The following DCHS2 variants were observed in gnomAD, a reference collection of about 807,000 sequenced individuals.
The protein encoded by DCHS2 is dachsous cadherin-related 2, also known as protocadherin-23.
In DCHS2, 142 loss-of-function variants were observed where a neutral mutation model predicts 182.4. The observed-to-expected ratio is 0.78, with a 90% confidence interval of 0.68 to 0.89. The LOEUF is 0.89. Ranked by LOEUF, DCHS2 falls within the 40% of genes least tolerant of loss-of-function variation. DCHS2 has a pLI of 0.00. For synonymous variants in DCHS2, 1,740 were observed against 1,663.3 expected, an observed-to-expected ratio of 1.05 and a Z score of -1.12; for missense variants, 4,319 against 4,198.6, an observed-to-expected ratio of 1.03 and a Z score of -0.79.
chr4:154,366,740 A>G (rs1405366594), intron 2 of DCHS2, among the ~76,000 whole-genome samples: 4 of 152,190 alleles, frequency 2.6e-5, no homozygotes, highest in African/African-American at 9.7e-5. Flanking sequence ...TGGTATGTAC[A>G]CTTCACTGCT....
rs1731389258 is a variant in DCHS2 at position 154,235,041 on chromosome 4, G to C, written c.9611C>G (p.Ser3204Cys). The change falls in exon 20 of 20, where the codon TCT (serine) becomes TGT (cysteine). Residue 3204 changes from serine (S) to cysteine (C), a missense_variant. Ser to Cys is a moderately radical substitution (Grantham distance 112, BLOSUM62 -1). Transcript: ENST00000357232. ...TTCCTGATCACCTGAAATAAAGACAGACTCTTTTCTAACGTCAGCCAGGAT... is the reference window on the plus strand; with the variant it reads ...TTCCTGATCACCTGAAATAAAGACACACTCTTTTCTAACGTCAGCCAGGAT... ...ESILADVRKESVFISGDQEVR... is the reference protein window; with the variant it reads ...ESILADVRKECVFISGDQEVR... 1.2e-6 allele frequency: 2 copies of C among 1,613,970 alleles called. No individual in the cohort carries two copies. Among genetic ancestry groups the C allele is most frequent in the Non-Finnish European group, 1.7e-6 (2 of 1,179,954 alleles).
At chr4:154,463,692 T>TTTTTTTTCTCTCTCTCTCTCTCTC (rs1011716388) in intron 1 of DCHS2, among the ~76,000 whole-genome samples, 4 of 145,266 alleles carry the variant, frequency 2.8e-5, no homozygotes, top group African/African-American at 1.0e-4. Context: ...ATTCTCTCTT[T>TTTTTTTTCTCTCTCTCTCTCTCTC]TCTCTCTCTC....
In DCHS2 at chr4:154,235,540, C is replaced by T. The variant is rs769117939; in HGVS notation, c.9112G>A (p.Ala3038Thr). Reference protein sequence around the residue: ...YEEKKTSSLDADLRVTRDASV... With the variant: ...YEEKKTSSLDTDLRVTRDASV... ...GCATCCCGGGTCACTCTCAAGTCCG[C>T]ATCTAAAGATGAGGTTTTCTTCTCC... The change falls in exon 20 of 20, where the codon GCG becomes ACG. Residue 3038 changes from alanine to threonine, a missense_variant. Physicochemically the swap from Ala to Thr is moderately conservative, Grantham distance 58. Coordinates refer to ENST00000357232, the MANE Select transcript of DCHS2 (RefSeq NM_001358235.2). 1.2e-6 allele frequency: 2 copies of T among 1,614,068 alleles called. No homozygotes were observed.
intron 1 of DCHS2, among the ~76,000 whole-genome samples, chr4:154,468,326 C>T (rs541201736): frequency 2.1e-4 from 32 of 152,214 alleles, no homozygotes; most frequent in Non-Finnish European, 3.1e-4. Flanking sequence ...TATGATTACA[C>T]ATAGAAAAGT....
Position 154,262,498 on chromosome 4 carries a change from C to G in DCHS2, c.6578-2742G>C, listed in dbSNP as rs183965064. ...TAAGAAGCCTCACAAATACTAACTT[C>G]ATGTTCTTGCTTATATGTTAATGTG... On this transcript the variant is annotated intron_variant, in intron 14 of 19. Transcript: ENST00000357232. Among the ~76,000 whole-genome samples, 72 of 152,290 alleles carry G rather than the reference C, an allele frequency of 4.7e-4. 1 individual carries two copies. The highest frequency in any genetic ancestry group is 3.9e-3 in the South Asian group (19 of 4,830).
At chr4:154,453,387 C>G (rs1734621628) in intron 1 of DCHS2, among the ~76,000 whole-genome samples, 1 of 151,546 alleles carries the variant, frequency 6.6e-6, no homozygotes, top group Non-Finnish European at 1.5e-5. Flanking sequence ...TTTAGGAAAT[C>G]ATAAAGATTT....
chr4:154,355,253 G>A (rs1729806583), intron 3 of DCHS2, among the ~76,000 whole-genome samples: 1 of 151,834 alleles, frequency 6.6e-6, no homozygotes. Flanking sequence ...GACCAAGAAG[G>A]CAATGAAAGC....
intron 1 of DCHS2, among the ~76,000 whole-genome samples, chr4:154,406,695 A>T (rs1322223792): frequency 3.3e-5 from 5 of 152,232 alleles, no homozygotes; most frequent in Non-Finnish European, 7.3e-5. Flanking sequence ...CTCTCAGAGG[A>T]CTTACATGTT....
At chr4:154,398,961 T>A (rs1732044429) in intron 1 of DCHS2, among the ~76,000 whole-genome samples, 1 of 152,176 alleles carries the variant, frequency 6.6e-6, no homozygotes, top group African/African-American at 2.4e-5. Flanking sequence ...CTGCTCCCCA[T>A]CACCCCCGCC....
chr4:154,306,619 C>A (rs993529968), intron 10 of DCHS2, among the ~76,000 whole-genome samples: 1 of 151,894 alleles, frequency 6.6e-6, no homozygotes, highest in African/African-American at 2.4e-5. Context: ...TCAGATATGA[C>A]CTCTGTCTTC....
intron 8 of DCHS2, 106 bp downstream of exon 8, chr4:154,322,225 A>T: frequency 7.0e-7 from 1 of 1,433,920 alleles, no homozygotes; most frequent in South Asian, 1.3e-5. Context: ...ACATACATAC[A>T]TATTCATATA....
chr4:154,486,389 T>C (rs1728586877), intron 1 of DCHS2: 1 of 1,301,740 alleles, frequency 7.7e-7, no homozygotes, highest in African/African-American at 1.5e-5. Context: ...TAAGACAACT[T>C]GAAGTTAAAG....
intron 3 of DCHS2, among the ~76,000 whole-genome samples, chr4:154,353,385 A>G (rs550459020): frequency 6.6e-6 from 1 of 152,320 alleles, no homozygotes; most frequent in African/African-American, 2.4e-5. Context: ...GACTTCAGAA[A>G]AGACAAACAC....
chr4:154,260,714 A>G (rs889610307), intron 14 of DCHS2, among the ~76,000 whole-genome samples: 1 of 152,166 alleles, frequency 6.6e-6, no homozygotes, highest in Non-Finnish European at 1.5e-5. Flanking sequence ...CAGCAGCTGC[A>G]TCATCGCTTT....
chr4:154,326,821 C>G (rs1402171139), intron 7 of DCHS2, among the ~76,000 whole-genome samples: 1 of 152,108 alleles, frequency 6.6e-6, no homozygotes, highest in Non-Finnish European at 1.5e-5. Context: ...GTAAGGCCAA[C>G]TTCCCACTTG....
chr4:154,491,526 G>A lies in DCHS2; in HGVS notation c.-171C>T. On this transcript the variant is annotated 5_prime_UTR_variant, in exon 1 of 20. It adds an upstream start codon to the 5' untranslated region. Transcript: ENST00000357232. ...GGTTACATCTGCAACTGGTGAAAGC[G>A]TCCTCTGCCTGCAGCTCACGCAGAC... 2 of 1,397,016 alleles carry A rather than the reference G, an allele frequency of 1.4e-6. No individual in the cohort carries two copies. The highest frequency in any genetic ancestry group is 1.8e-5 in the South Asian group (1 of 56,910). The allele number at this position is 1,397,016 out of a possible 1,614,324, so 86.5% of individuals were successfully genotyped here.
intron 1 of DCHS2, among the ~76,000 whole-genome samples, chr4:154,435,182 A>G (rs899917161): frequency 2.0e-5 from 3 of 152,216 alleles, no homozygotes; most frequent in South Asian, 4.1e-4. Flanking sequence ...TCTTCTGTAA[A>G]TCTAAAACAA....
At chr4:154,330,311 G>GT (rs1736470432) in intron 5 of DCHS2, among the ~76,000 whole-genome samples, 1 of 152,178 alleles carries the variant, frequency 6.6e-6, no homozygotes, top group Admixed American at 6.5e-5. Flanking sequence ...ATGCACACAA[G>GT]TATTTGTTTT....
chr4:154,459,236 G>T (rs1017205009), intron 1 of DCHS2, among the ~76,000 whole-genome samples: 2 of 152,068 alleles, frequency 1.3e-5, no homozygotes, highest in African/African-American at 4.8e-5. Flanking sequence ...AAATGGAATA[G>T]CCCTGAAGGT....
Sources: allele counts gnomAD v4.1 joint callset (sites outside exome capture counted in the v4.1 genomes callset), GRCh38; gene constraint gnomAD v4.1.1; transcripts MANE v1.5; gene names NCBI Gene and HGNC (gene_info 2026-07-23, HGNC 2026-07-21).